TNFRSF21: variants seen among roughly 807,000 people sequenced by gnomAD.
The protein encoded by TNFRSF21 is tumor necrosis factor receptor superfamily member 21.
Under a neutral mutation model 45.6 loss-of-function variants are expected in TNFRSF21, and 19 were observed. The observed-to-expected ratio is 0.42, with a 90% CI of 0.29 to 0.61. The LOEUF is 0.61. TNFRSF21 is among the 20% of genes least tolerant of loss of function. The pLI is 0.23. For missense variants in TNFRSF21, 737 were observed against 851.5 expected, an observed-to-expected ratio of 0.87 and a Z score of 1.67; for synonymous variants, 314 against 335.5, an observed-to-expected ratio of 0.94 and a Z score of 0.70.
At chr6:47,240,234 C>T (rs144692248) in intron 4 of TNFRSF21, among the ~76,000 whole-genome samples, 1 of 152,332 alleles carries the variant, frequency 6.6e-6, no homozygotes, top group East Asian at 1.9e-4. Context: ...TCCCTCCAGA[C>T]CTCATTCAAC....
chr6:47,238,699 G>A (rs1162553093), intron 4 of TNFRSF21, among the ~76,000 whole-genome samples: 1 of 152,196 alleles, frequency 6.6e-6, no homozygotes, highest in African/African-American at 2.4e-5. Context: ...AAGCTCTGCT[G>A]CTGACAATTT....
chr6:47,284,027 G>A lies in TNFRSF21; in HGVS notation c.1154C>T (p.Pro385Leu). 1 of 1,614,192 alleles carries A rather than the reference G, an allele frequency of 6.2e-7. No individual in the cohort carries two copies. The highest frequency in any genetic ancestry group is 1.1e-5 in the South Asian group (1 of 91,082). The change falls in exon 3 of 6, where the codon CCC becomes CTC. Residue 385 changes from proline (P) to leucine (L), a missense_variant. Coordinates refer to ENST00000296861, the MANE Select transcript of TNFRSF21 (RefSeq NM_014452.5). ...CCCTGCCTTTTCCACAATGGCACTG[G>A]GATCCTGCCGGGGCCCCTTTTTCAG... ...RTLKKGPRQD[P>L]SAIVEKAGLK...
At chr6:47,306,942 G>A (rs941406516) in intron 1 of TNFRSF21, among the ~76,000 whole-genome samples, 1 of 152,314 alleles carries the variant, frequency 6.6e-6, no homozygotes. Flanking sequence ...AGTACCTGAT[G>A]TCCGTTATGT....
At chr6:47,241,046 C>T (rs1312779078) in intron 4 of TNFRSF21, among the ~76,000 whole-genome samples, 2 of 152,176 alleles carry the variant, frequency 1.3e-5, no homozygotes, top group African/African-American at 4.8e-5. Flanking sequence ...TCAAGACCTT[C>T]TATAGGCCTA....
At chr6:47,243,762 T>G (rs1764783609) in intron 4 of TNFRSF21, among the ~76,000 whole-genome samples, 1 of 152,160 alleles carries the variant, frequency 6.6e-6, no homozygotes, top group South Asian at 2.1e-4. Context: ...TAACCCTTCT[T>G]GAGGTTAGCA....
intron 1 of TNFRSF21, among the ~76,000 whole-genome samples, chr6:47,303,054 T>A (rs1033024027): frequency 6.6e-6 from 1 of 152,228 alleles, no homozygotes. Flanking sequence ...CACTTGCTTA[T>A]TCCTCCCCTC....
At chr6:47,236,405 T>C (rs1402671010) in intron 4 of TNFRSF21, among the ~76,000 whole-genome samples, 1 of 152,228 alleles carries the variant, frequency 6.6e-6, no homozygotes, top group African/African-American at 2.4e-5. Flanking sequence ...GTAAAATGTT[T>C]TCAAGCTTTT....
intron 3 of TNFRSF21, among the ~76,000 whole-genome samples, chr6:47,263,664 C>G (rs1762281090): frequency 6.6e-6 from 1 of 152,210 alleles, no homozygotes. Context: ...CAGAGGAAAA[C>G]TGAGAACTGA....
At chr6:47,262,228 G>A (rs185140224) in intron 3 of TNFRSF21, among the ~76,000 whole-genome samples, 1 of 152,264 alleles carries the variant, frequency 6.6e-6, no homozygotes, top group Admixed American at 6.5e-5. Context: ...CAAAACAGTA[G>A]ACAATTTTCC....
chr6:47,275,164 C>T (rs939522567), intron 3 of TNFRSF21, among the ~76,000 whole-genome samples: 1 of 152,064 alleles, frequency 6.6e-6, no homozygotes, highest in Non-Finnish European at 1.5e-5. Flanking sequence ...GTTATACACC[C>T]AAAGGATTAT....
intron 4 of TNFRSF21, among the ~76,000 whole-genome samples, chr6:47,240,428 CTG>C (rs1286004711): frequency 4.6e-5 from 7 of 152,184 alleles, no homozygotes; most frequent in Admixed American, 3.9e-4. Context: ...CAGAAAATAT[CTG>C]TGATTCGTTT....
At chr6:47,298,874 C>G (rs1762824237) in intron 1 of TNFRSF21, among the ~76,000 whole-genome samples, 1 of 152,196 alleles carries the variant, frequency 6.6e-6, no homozygotes, top group Non-Finnish European at 1.5e-5. Flanking sequence ...ACTGAGGGCT[C>G]CAGCAGGCCC....
chr6:47,283,367 A>C (rs1348282936), intron 3 of TNFRSF21, among the ~76,000 whole-genome samples: 1 of 152,188 alleles, frequency 6.6e-6, no homozygotes, highest in Non-Finnish European at 1.5e-5. Flanking sequence ...AATCCAAAAG[A>C]CCATCCTACC....
chr6:47,244,417 C>T (rs1483521982), intron 4 of TNFRSF21, among the ~76,000 whole-genome samples: 2 of 149,518 alleles, frequency 1.3e-5, no homozygotes, highest in Non-Finnish European at 3.0e-5. Context: ...TTTGTAAAAA[C>T]TCCTTATTTT....
intron 1 of TNFRSF21, 23 bp downstream of exon 1, chr6:47,309,393 C>T (rs937317790): frequency 1.3e-6 from 2 of 1,523,558 alleles, no homozygotes; most frequent in Admixed American, 2.0e-5. Context: ...CCGCCGCCAC[C>T]CCCGGTCCAC....
chr6:47,259,651 G>A (rs556865516), intron 3 of TNFRSF21, among the ~76,000 whole-genome samples: 102 of 152,246 alleles, frequency 6.7e-4, no homozygotes, highest in Middle Eastern at 3.4e-3. Context: ...CTGGGATTAC[G>A]GGTGTGAGCC....
chr6:47,283,551 C>T (rs558781889), intron 3 of TNFRSF21, among the ~76,000 whole-genome samples: 1 of 152,342 alleles, frequency 6.6e-6, no homozygotes, highest in Non-Finnish European at 1.5e-5. Flanking sequence ...AGTGCTCCAA[C>T]AGTCAGGAGT....
chr6:47,285,740 C>T (rs1390319164), intron 2 of TNFRSF21, among the ~76,000 whole-genome samples: 2 of 152,114 alleles, frequency 1.3e-5, no homozygotes, highest in Non-Finnish European at 2.9e-5. Context: ...ATCTGATCTC[C>T]CCTAACAGAA....
intron 2 of TNFRSF21, 145 bp from the exon 3 acceptor site, chr6:47,284,577 ATT>A (rs1390912058): frequency 2.1e-5 from 21 of 1,007,986 alleles, no homozygotes; most frequent in Middle Eastern, 5.7e-4. Context: ...TGTGTTGCAC[ATT>A]TTCATAAAGA....
Sources: gnomAD v4.1 joint callset for allele counts (sites outside exome capture counted in the v4.1 genomes callset) on GRCh38, gnomAD v4.1.1 for gene constraint, MANE v1.5 for transcripts, NCBI Gene and HGNC (gene_info 2026-07-23, HGNC 2026-07-21) for gene names.